The following PARM1 variants were observed in gnomAD, a reference collection of about 807,000 sequenced individuals.
The protein encoded by PARM1 is WSC4, cell wall integrity and stress response component 4 homolog.
PARM1 carries 14 observed loss-of-function variants against 24.6 expected under a neutral mutation model. That is an observed-to-expected ratio of 0.57 (90% CI 0.38 to 0.89). The LOEUF (loss-of-function observed/expected upper bound fraction) is 0.89, where lower values mean the gene tolerates loss of function less well. PARM1 is among the 40% of genes least tolerant of loss of function. The pLI is 0.00. For missense variants in PARM1, 362 were observed against 380.4 expected (o/e 0.95, Z 0.40); for synonymous variants, 179 against 156.6 (o/e 1.14, Z -1.07).
intron 1 of PARM1, among the ~76,000 whole-genome samples, chr4:75,005,138 C>T (rs754278995): frequency 2.6e-5 from 4 of 152,128 alleles, no homozygotes; most frequent in Non-Finnish European, 5.9e-5. Context: ...CGATGGTGGC[C>T]GTAACAGGTG....
At chr4:74,942,663 G>A (rs1186544124) in intron 1 of PARM1, among the ~76,000 whole-genome samples, 2 of 152,188 alleles carry the variant, frequency 1.3e-5, no homozygotes, top group African/African-American at 4.8e-5. Flanking sequence ...AATATGTACA[G>A]AATCCAACCA....
intron 1 of PARM1, among the ~76,000 whole-genome samples, chr4:74,997,210 C>G (rs1289273379): frequency 2.0e-5 from 3 of 152,114 alleles, no homozygotes; most frequent in African/African-American, 7.2e-5. Flanking sequence ...CATAGTCTGG[C>G]TGGCAGGTAG....
intron 2 of PARM1, among the ~76,000 whole-genome samples, chr4:75,026,193 A>T (rs780337682): frequency 6.6e-6 from 1 of 152,196 alleles, no homozygotes; most frequent in African/African-American, 2.4e-5. Context: ...TCAGGTTTTT[A>T]AAAAATAGCT....
chr4:74,966,727 A>G (rs1249835830), intron 1 of PARM1: 2 of 152,252 alleles, frequency 1.3e-5, no homozygotes, highest in Non-Finnish European at 2.9e-5. Flanking sequence ...AGTGGTGACT[A>G]TACTACCCAC....
At chr4:75,017,173 C>A (rs924253092) in intron 2 of PARM1, among the ~76,000 whole-genome samples, 3 of 152,176 alleles carry the variant, frequency 2.0e-5, no homozygotes, top group African/African-American at 7.2e-5. Flanking sequence ...TGCAACTGAT[C>A]TCACTATTCA....
At chr4:75,019,721 C>T (rs557037813) in intron 2 of PARM1, among the ~76,000 whole-genome samples, 18 of 152,202 alleles carry the variant, frequency 1.2e-4, no homozygotes, top group East Asian at 5.8e-4. Context: ...TAGAAAATTT[C>T]GCCCGGGCGC....
At chr4:75,012,382 G>T (rs747179918) in intron 1 of PARM1, 43 bp from the exon 2 acceptor site, 2 of 1,589,446 alleles carry the variant, frequency 1.3e-6, no homozygotes, top group Non-Finnish European at 1.7e-6. Flanking sequence ...ACATATTACC[G>T]TGTTTTCACA....
chr4:75,040,764 A>G (rs1362688367), intron 3 of PARM1, among the ~76,000 whole-genome samples: 1 of 152,224 alleles, frequency 6.6e-6, no homozygotes, highest in African/African-American at 2.4e-5. Context: ...ATTCCAACAT[A>G]CAAAGTTTAT....
rs1723667931 is a variant in PARM1, at chr4:75,049,074, G to A, written c.*2827G>A. On this transcript the variant is annotated 3_prime_UTR_variant, in exon 4 of 4. Coordinates refer to ENST00000307428, the MANE Select transcript of PARM1 (RefSeq NM_015393.4). ...AACAACCACATCCTATCCATGGATAGGTCTAGTCATAACACTTTAGAGAGA... is the reference window on the plus strand; with the variant it reads ...AACAACCACATCCTATCCATGGATAAGTCTAGTCATAACACTTTAGAGAGA... The A allele has an allele frequency of 1.3e-5, 2 of 152,282 alleles. No homozygotes were observed. The highest frequency in any genetic ancestry group is 2.1e-4 in the South Asian group (1 of 4,832). The allele number at this position is 152,282 out of a possible 1,614,324, so 9.4% of individuals were successfully genotyped here.
At chr4:75,028,459 G>A (rs1276729071) in intron 2 of PARM1, among the ~76,000 whole-genome samples, 4 of 152,208 alleles carry the variant, frequency 2.6e-5, no homozygotes, top group African/African-American at 9.7e-5. Flanking sequence ...GTGGCCACCT[G>A]CTCCTCTTCT....
rs781060482 is a variant in PARM1 at position 75,033,894 on chromosome 4, G to T, written c.781G>T (p.Ala261Ser). Residue 261 changes from alanine to serine, a missense_variant, in exon 3 of 4, where the codon GCC becomes TCC. By Grantham distance (99) the Ala-to-Ser change is moderately conservative. Transcript: ENST00000307428. ...EHALSSGSIA[A>S]ITVTVIAVVL... is the part of the protein sequence containing the mutation. The stretch of plus-strand genomic sequence containing the variant: ...TTCCTCCTTCACAGGCAGCATCGCC[G>T]CCATTACCGTGACAGTCATTGCCGT... 1.2e-6 allele frequency: 2 copies of T among 1,600,218 alleles called. No individual in the cohort carries two copies. Among genetic ancestry groups the T allele is most frequent in the Non-Finnish European group, 8.5e-7 (1 of 1,173,210 alleles).
intron 1 of PARM1, among the ~76,000 whole-genome samples, chr4:74,974,822 C>A (rs1031000217): frequency 6.6e-6 from 1 of 152,058 alleles, no homozygotes; most frequent in East Asian, 1.9e-4. Flanking sequence ...GGAGTAGTGC[C>A]CTTCTAAGAA....
chr4:75,032,663 ACT>A (rs1723296032), intron 2 of PARM1, among the ~76,000 whole-genome samples: 1 of 152,124 alleles, frequency 6.6e-6, no homozygotes, highest in East Asian at 1.9e-4. Context: ...TGGATAGAAC[ACT>A]CTTATTCCTC....
chr4:74,962,993 A>G (rs184185158), intron 1 of PARM1, among the ~76,000 whole-genome samples: 1 of 152,348 alleles, frequency 6.6e-6, no homozygotes, highest in East Asian at 1.9e-4. Context: ...CTCTTCTCAT[A>G]TAAATGAGTG....
chr4:74,990,145 G>C (rs145298707), intron 1 of PARM1, among the ~76,000 whole-genome samples: 2 of 152,218 alleles, frequency 1.3e-5, no homozygotes, highest in African/African-American at 2.4e-5. Flanking sequence ...GAGATGAAAG[G>C]CACCATTAAT....
At chr4:75,025,618 G>T (rs1723168555) in intron 2 of PARM1, among the ~76,000 whole-genome samples, 1 of 152,148 alleles carries the variant, frequency 6.6e-6, no homozygotes. Flanking sequence ...TTGCAAATGT[G>T]CGCTCCCCAG....
chr4:75,004,196 T>A (rs1409066071), intron 1 of PARM1, among the ~76,000 whole-genome samples: 1 of 152,230 alleles, frequency 6.6e-6, no homozygotes, highest in African/African-American at 2.4e-5. Flanking sequence ...AACATTTCTG[T>A]TTTCAAAGGG....
chr4:75,037,534 C>T (rs1723396081), intron 3 of PARM1, among the ~76,000 whole-genome samples: 1 of 152,176 alleles, frequency 6.6e-6, no homozygotes, highest in Admixed American at 6.5e-5. Flanking sequence ...CTCCAGGGAC[C>T]CATTACCCCT....
At position 75,030,089 on chromosome 4, in the gene PARM1, T is replaced by C. The variant is rs561830017; in HGVS notation, c.770-3794T>C. On this transcript the variant is annotated intron_variant, in intron 2 of 3. Transcript: ENST00000307428. Reference sequence around the variant, plus strand: ...ATACAGAATGCTTGAAAGAAATTGATGCTGAGATCTGAGAACACAGAGCAA... The same window carrying C: ...ATACAGAATGCTTGAAAGAAATTGACGCTGAGATCTGAGAACACAGAGCAA... 1.8e-4 allele frequency among the ~76,000 whole-genome samples: 27 copies of C among 152,194 alleles called. No homozygotes were observed. The South Asian group carries it at 5.0e-3, about 28-fold the overall frequency.
Sources: allele counts gnomAD v4.1 joint callset (sites outside exome capture counted in the v4.1 genomes callset), GRCh38; gene constraint gnomAD v4.1.1; transcripts MANE v1.5; gene names NCBI Gene and HGNC (gene_info 2026-07-23, HGNC 2026-07-21).